BANP: variants seen among roughly 807,000 people sequenced by gnomAD.
BANP encodes the protein BTG3 associated nuclear protein, also known as protein BANP.
BANP carries 11 observed loss-of-function variants against 68.1 expected under a neutral mutation model. That is an observed-to-expected ratio of 0.16 (90% confidence interval 0.10 to 0.27). The LOEUF is 0.27. Ranked by LOEUF, BANP falls within the 10% of genes least tolerant of loss-of-function variation. The pLI is 1.00. For missense variants in BANP, 504 were observed against 722.7 expected (o/e 0.70, Z 3.47); for synonymous variants, 329 against 303.2 (o/e 1.09, Z -0.88).
At chr16:87,975,445 A>T (rs1194748130) in intron 2 of BANP, among the ~76,000 whole-genome samples, 2 of 152,136 alleles carry the variant, frequency 1.3e-5, no homozygotes, top group Non-Finnish European at 1.5e-5. Flanking sequence ...CCTTGGGGGT[A>T]TGCGTGTGTT....
intron 4 of BANP, among the ~76,000 whole-genome samples, chr16:87,994,684 C>G (rs1349246070): frequency 6.6e-6 from 1 of 152,066 alleles, no homozygotes; most frequent in Non-Finnish European, 1.5e-5. Context: ...CCTGGAATCC[C>G]AGCAACTCGG....
chr16:88,060,944 T>C (rs2086596568), intron 11 of BANP, among the ~76,000 whole-genome samples: 1 of 146,884 alleles, frequency 6.8e-6, no homozygotes, highest in Non-Finnish European at 1.5e-5. Context: ...ACTTTGGTTG[T>C]GTTCTTAAAC....
chr16:88,035,963 G>A (rs1262425139), intron 10 of BANP, among the ~76,000 whole-genome samples: 1 of 152,316 alleles, frequency 6.6e-6, no homozygotes, highest in South Asian at 2.1e-4. Context: ...TCAGAAGTGC[G>A]GGCTCAGCTG....
rs376589395 is a variant in BANP, at chr16:88,015,782, C to T, written c.656-2646C>T. Among the ~76,000 whole-genome samples the T allele has an allele frequency of 5.5e-4, 84 of 152,396 alleles. No individual in the cohort carries two copies. The Middle Eastern group carries it at 0.01, about 19-fold the overall frequency. On this transcript the variant is annotated intron_variant, in intron 6 of 13. Transcript: ENST00000682872. ...CTCAGGTGCTCTTCTAGCGCCTCAGCGGCTTTCACTCCATTCGTGCTCCTT... is the reference window on the plus strand; with the variant it reads ...CTCAGGTGCTCTTCTAGCGCCTCAGTGGCTTTCACTCCATTCGTGCTCCTT...
chr16:88,008,009 G>A (rs1247820854), intron 6 of BANP, among the ~76,000 whole-genome samples: 1 of 152,140 alleles, frequency 6.6e-6, no homozygotes, highest in African/African-American at 2.4e-5. Flanking sequence ...AAGAAGCCCT[G>A]TGCCCATCAA....
At chr16:87,973,483 G>C (rs573993963) in intron 1 of BANP, among the ~76,000 whole-genome samples, 104 of 152,266 alleles carry the variant, frequency 6.8e-4, no homozygotes, top group African/African-American at 2.4e-3. Context: ...AGCTGAGGCC[G>C]GGCGCGGTGG....
Position 88,072,225 on chromosome 16 carries a change from C to T in BANP, c.1521+13C>T, listed in dbSNP as rs1426893987. On this transcript the variant is annotated intron_variant, in intron 13 of 13. Transcript: ENST00000682872. ...GGCCGGGGCACAGGTGAGTCTGGGG[C>T]CCCGCGCCGGGACACTGAAGTGATG... is the stretch of plus-strand genomic sequence containing the variant. The T allele has an allele frequency of 2.5e-6, 4 of 1,602,618 alleles. No individual in the cohort carries two copies. The African/African-American group carries it at 4.0e-5, about 16-fold the overall frequency.
chr16:87,964,173 A>G (rs2059649039), intron 1 of BANP, among the ~76,000 whole-genome samples: 1 of 152,268 alleles, frequency 6.6e-6, no homozygotes, highest in South Asian at 2.1e-4. Context: ...CATGGTTTTT[A>G]AATAGCATTT....
chr16:88,041,653 C>T (rs1457162971), intron 11 of BANP, among the ~76,000 whole-genome samples: 2 of 150,724 alleles, frequency 1.3e-5, no homozygotes, highest in Admixed American at 6.6e-5. Flanking sequence ...AGGGCTGCCT[C>T]GACCTCCTTT....
chr16:88,055,160 A>C (rs1363265878), intron 11 of BANP, among the ~76,000 whole-genome samples: 1 of 151,826 alleles, frequency 6.6e-6, no homozygotes, highest in Non-Finnish European at 1.5e-5. Flanking sequence ...ATGTTACCTA[A>C]GATGTGCACG....
At chr16:88,051,234 G>A (rs1022363306) in intron 11 of BANP, among the ~76,000 whole-genome samples, 1 of 152,212 alleles carries the variant, frequency 6.6e-6, no homozygotes, top group Admixed American at 6.5e-5. Flanking sequence ...AACCTCTGTG[G>A]AAACTGTGCT....
upstream of BANP, chr16:87,949,310 T>A (rs982313318): frequency 1.3e-5 from 2 of 152,204 alleles, no homozygotes; most frequent in Non-Finnish European, 2.9e-5. Flanking sequence ...AAGCCAGATA[T>A]TCCGGCGTGG....
In BANP at chr16:87,975,082, CTT is replaced by C; in HGVS notation, c.-32_-31del. 3 of 1,596,048 alleles carry C rather than the reference CTT, an allele frequency of 1.9e-6. No individual in the cohort carries two copies. The highest frequency in any genetic ancestry group is 2.6e-6 in the Non-Finnish European group (3 of 1,166,116). ...AGCCAGCCCCACTGTGAGTTGAACTCTTTCGTGTTGACCGGCCACTCTCCGTG... is the reference window on the plus strand; with the variant it reads ...AGCCAGCCCCACTGTGAGTTGAACTCTCGTGTTGACCGGCCACTCTCCGTG... On this transcript the variant is annotated 5_prime_UTR_variant, in exon 2 of 14. Coordinates refer to ENST00000682872, the MANE Select transcript of BANP (RefSeq NM_001386991.1).
chr16:87,979,890 A>G (rs4843292), intron 2 of BANP, among the ~76,000 whole-genome samples: 89,586 of 151,742 alleles, frequency 0.59, 26,875 homozygotes, highest in Admixed American at 0.66. Flanking sequence ...GAGTACAGGA[A>G]TTTGAGTCCA....
At chr16:88,027,865 C>G (rs1478737454) in intron 8 of BANP, among the ~76,000 whole-genome samples, 1 of 152,256 alleles carries the variant, frequency 6.6e-6, no homozygotes, top group African/African-American at 2.4e-5. Flanking sequence ...CTGCTCCAGG[C>G]TCCTCCGTGA....
At chr16:87,961,565 G>T (rs2059162316) in intron 1 of BANP, among the ~76,000 whole-genome samples, 1 of 152,190 alleles carries the variant, frequency 6.6e-6, no homozygotes, top group Non-Finnish European at 1.5e-5. Context: ...ATTAAGCCGG[G>T]CATTAGAAAT....
At chr16:87,983,293 C>T (rs1018861163) in intron 3 of BANP, among the ~76,000 whole-genome samples, 1 of 152,154 alleles carries the variant, frequency 6.6e-6, no homozygotes, top group African/African-American at 2.4e-5. Context: ...GCTGGTGAGA[C>T]CTGGTGGAGG....
Position 88,033,249 on chromosome 16 carries a change from C to A in BANP, c.1200+4C>A. On this transcript the variant is annotated splice_donor_region_variant and intron_variant, in intron 9 of 13. Transcript: ENST00000682872. Reference sequence around the variant, plus strand: ...AGAAGACGGACAGGTGCAAGTAGTACGTACCCTCTCCACCTCACACCTTGG... The same window carrying A: ...AGAAGACGGACAGGTGCAAGTAGTAAGTACCCTCTCCACCTCACACCTTGG... 1.3e-6 allele frequency: 2 copies of A among 1,581,428 alleles called. No homozygotes were observed. The highest frequency in any genetic ancestry group is 1.7e-6 in the Non-Finnish European group (2 of 1,158,080).
chr16:88,012,843 G>A (rs1157789622), intron 6 of BANP, among the ~76,000 whole-genome samples: 2 of 152,088 alleles, frequency 1.3e-5, no homozygotes, highest in Non-Finnish European at 2.9e-5. Flanking sequence ...TTCTATAGAC[G>A]GCCTAAGAAA....
Sources: gnomAD v4.1 joint callset for allele counts (sites outside exome capture counted in the v4.1 genomes callset) on GRCh38, gnomAD v4.1.1 for gene constraint, MANE v1.5 for transcripts, NCBI Gene and HGNC (gene_info 2026-07-23, HGNC 2026-07-21) for gene names.